Variants in YIPF1 observed in about 807,000 individuals in gnomAD.
YIPF1 encodes the protein protein YIPF1.
YIPF1 carries 22 observed loss-of-function variants against 37.0 expected under a neutral mutation model. That is an observed-to-expected ratio of 0.59 (90% CI 0.42 to 0.85). YIPF1 has a LOEUF of 0.85. Among genes scored for constraint, YIPF1 ranks in the 40% least tolerant of loss-of-function variants. YIPF1 has a pLI of 0.00. For missense variants in YIPF1, 355 were observed against 373.1 expected (o/e 0.95, Z 0.40); for synonymous variants, 128 against 131.9 (o/e 0.97, Z 0.21).
At chr1:53,862,592 G>A (rs1649912569) in intron 9 of YIPF1, among the ~76,000 whole-genome samples, 1 of 152,162 alleles carries the variant, frequency 6.6e-6, no homozygotes, top group African/African-American at 2.4e-5. Context: ...CCTGGCAAGT[G>A]TGGGGCTGTT....
At chr1:53,886,614 C>T (rs1432646983) in intron 3 of YIPF1, 2 of 137,122 alleles carry the variant, frequency 1.5e-5, no homozygotes, top group South Asian at 2.4e-4. Flanking sequence ...AAGTCCTTAA[C>T]ACAGTTGATA....
At chr1:53,853,184 G>A (rs775154684) in intron 10 of YIPF1, among the ~76,000 whole-genome samples, 9 of 151,568 alleles carry the variant, frequency 5.9e-5, no homozygotes, top group Non-Finnish European at 1.2e-4. Flanking sequence ...GACAGACATG[G>A]TCCCAACTGT....
chr1:53,873,401 A>T (rs1268316051), intron 6 of YIPF1, among the ~76,000 whole-genome samples: 1 of 152,202 alleles, frequency 6.6e-6, no homozygotes, highest in African/African-American at 2.4e-5. Context: ...AGTAAGAGGT[A>T]CCAGTTCGAG....
At chr1:53,887,091 G>A (rs777952941) in intron 3 of YIPF1, among the ~76,000 whole-genome samples, 29 of 152,020 alleles carry the variant, frequency 1.9e-4, no homozygotes, top group Non-Finnish European at 3.4e-4. Context: ...TTTTGTGTTT[G>A]TTTGTTTATG....
At position 53,866,802 on chromosome 1, in the gene YIPF1, CA is replaced by C. The variant is rs1557604436; in HGVS notation, c.603del (p.Ile201MetfsTer30). 1 of 1,614,150 alleles carries C rather than the reference CA, an allele frequency of 6.2e-7. No individual in the cohort carries two copies. Among genetic ancestry groups the C allele is most frequent in the East Asian group, 2.2e-5 (1 of 44,882 alleles). On this transcript the variant is annotated frameshift_variant, in exon 8 of 11. Transcript: ENST00000072644. LOFTEE classifies it high-confidence loss of function. ...MNIVSYSFLEIVCVYGYSLFI... is the reference protein window; with the variant it reads ...MNIVSYSFLEXVCVYGYSLFI... The stretch of plus-strand genomic sequence containing the variant: ...AAGAGGGAATATCCATAGACACACA[CA>C]ATCTCCAGAAATGAATAGGAGACGA...
intron 9 of YIPF1, among the ~76,000 whole-genome samples, chr1:53,861,863 A>T (rs1338084192): frequency 6.6e-6 from 1 of 152,088 alleles, no homozygotes; most frequent in Non-Finnish European, 1.5e-5. Context: ...AAAATACAAA[A>T]ATTAGCCAGG....
In YIPF1 at chr1:53,859,744, G is replaced by A. The variant is rs539021342; in HGVS notation, c.*8+312C>T. On this transcript the variant is annotated intron_variant, in intron 10 of 10. Transcript: ENST00000072644. ...TTATAAAATGGAACAAACCCATATTGTGTTCTAGGAAAGGGTTCAGGGAGA... is the reference window on the plus strand; with the variant it reads ...TTATAAAATGGAACAAACCCATATTATGTTCTAGGAAAGGGTTCAGGGAGA... Among the ~76,000 whole-genome samples the A allele has an allele frequency of 2.6e-5, 4 of 152,290 alleles. No homozygotes were observed. In the South Asian group the frequency reaches 8.3e-4, roughly 32 times the overall value.
chr1:53,858,938 G>A (rs1459895382), intron 10 of YIPF1, among the ~76,000 whole-genome samples: 4 of 152,062 alleles, frequency 2.6e-5, no homozygotes, highest in African/African-American at 9.7e-5. Context: ...AGCTGACCTG[G>A]GATTTAATTG....
At chr1:53,870,952 G>A (rs1319143286) in intron 7 of YIPF1, among the ~76,000 whole-genome samples, 1 of 147,668 alleles carries the variant, frequency 6.8e-6, no homozygotes, top group Non-Finnish European at 1.5e-5. Context: ...GGTGGAGGCT[G>A]CAGTGAGCTG....
chr1:53,869,921 A>G (rs1386499691), intron 7 of YIPF1, among the ~76,000 whole-genome samples: 3 of 137,862 alleles, frequency 2.2e-5, no homozygotes, highest in African/African-American at 8.2e-5. Context: ...TGCCCAGGCT[A>G]GAGTGCAGTA....
intron 10 of YIPF1, among the ~76,000 whole-genome samples, chr1:53,858,165 T>C (rs1649773582): frequency 6.6e-6 from 1 of 152,076 alleles, no homozygotes; most frequent in African/African-American, 2.4e-5. Context: ...TCTTCTTTGA[T>C]TCTAACATCG....
At chr1:53,863,086 C>G (rs781565961) in intron 9 of YIPF1, among the ~76,000 whole-genome samples, 3 of 152,178 alleles carry the variant, frequency 2.0e-5, no homozygotes, top group Non-Finnish European at 4.4e-5. Flanking sequence ...GAGCCTTCCT[C>G]TCCAGGAAGA....
At chr1:53,878,500 A>G in intron 5 of YIPF1, 98 bp from the exon 6 acceptor site, 1 of 1,477,174 alleles carries the variant, frequency 6.8e-7, no homozygotes, top group Non-Finnish European at 9.3e-7. Flanking sequence ...CTTTTATGAT[A>G]GTATTTTCAA....
rs145994256 is a variant in YIPF1 at position 53,871,395 on chromosome 1, T to C, written c.458A>G (p.His153Arg). 195 of 1,613,892 alleles carry C rather than the reference T, an allele frequency of 1.2e-4. 1 individual carries two copies. The African/African-American group carries it at 1.9e-3, about 16-fold the overall frequency. Residue 153 changes from histidine to arginine, a missense_variant, in exon 7 of 11, where the codon CAT (histidine) becomes CGT (arginine). Physicochemically the swap from His to Arg is conservative, Grantham distance 29. Transcript: ENST00000072644. ...ACCTTTTCGGAATTCGGGCACATAA[T>C]GGTACGTCTTCTCTCCCAGATGGAT... ...FLIHLGEKTY[H>R]YVPEFRKVSI...
intron 7 of YIPF1, 81 bp downstream of exon 7, chr1:53,871,290 TG>T: frequency 8.2e-7 from 1 of 1,219,070 alleles, no homozygotes; most frequent in Non-Finnish European, 1.2e-6. Context: ...CATCTAGAGA[TG>T]GGGCCCAGGA....
At position 53,854,220 on chromosome 1, in the gene YIPF1, C is replaced by T. The variant is rs374067801; in HGVS notation, c.*9-1950G>A. 2.6e-5 allele frequency among the ~76,000 whole-genome samples: 4 copies of T among 151,900 alleles called. No individual in the cohort carries two copies. The East Asian group carries it at 5.8e-4, about 22-fold the overall frequency. On this transcript the variant is annotated intron_variant, in intron 10 of 10. Coordinates refer to ENST00000072644, the MANE Select transcript of YIPF1 (RefSeq NM_018982.5). ...TGAGCCGAGATTGCACCACTGTCCT[C>T]CAGCTTGGGCAACAGAGTGAGACTC...
intron 9 of YIPF1, among the ~76,000 whole-genome samples, chr1:53,864,228 C>T (rs958201780): frequency 6.6e-6 from 1 of 152,074 alleles, no homozygotes; most frequent in African/African-American, 2.4e-5. Flanking sequence ...CAGTGAGGGA[C>T]GAGAGATGCC....
Position 53,860,076 on chromosome 1 carries a change from G to A in YIPF1, c.909C>T (p.Ala303=), listed in dbSNP as rs753175243. Residue 303 remains alanine, a synonymous_variant, in exon 10 of 11, where the codon GCC becomes GCT. Transcript: ENST00000072644. ...CTTACTTTCCTCATTAGCTGGACTT[G>A]GCTGCAGCAACTGTTTGGTTTGGAG... is the stretch of plus-strand genomic sequence containing the variant. ...TATPNQTVAA[A]KSS 7 of 1,614,088 alleles carry A rather than the reference G, an allele frequency of 4.3e-6. No individual in the cohort carries two copies. Among genetic ancestry groups the A allele is most frequent in the Non-Finnish European group, 5.9e-6 (7 of 1,179,986 alleles).
chr1:53,879,732 G>T (rs925883180), intron 4 of YIPF1, among the ~76,000 whole-genome samples: 4 of 152,200 alleles, frequency 2.6e-5, no homozygotes, highest in African/African-American at 7.2e-5. Context: ...TCATTATAAA[G>T]GAAAACGGAT....
Sources: allele counts gnomAD v4.1 joint callset (sites outside exome capture counted in the v4.1 genomes callset), GRCh38; gene constraint gnomAD v4.1.1; transcripts MANE v1.5; gene names NCBI Gene and HGNC (gene_info 2026-07-23, HGNC 2026-07-21).